The following SLC17A8 variants were observed in gnomAD, a reference collection of about 807,000 sequenced individuals.
The protein encoded by SLC17A8 is vesicular glutamate transporter 3.
In SLC17A8, 31 loss-of-function variants were observed where a neutral mutation model predicts 58.0. The observed-to-expected ratio is 0.53, with a 90% CI of 0.40 to 0.72. The LOEUF is 0.72. SLC17A8 is among the 30% of genes least tolerant of loss of function. SLC17A8 has a pLI of 0.00. For missense variants in SLC17A8, 655 were observed against 727.8 expected (o/e 0.90, Z 1.15); for synonymous variants, 228 against 249.0 (o/e 0.92, Z 0.79).
rs1952453053 is a variant in SLC17A8, at chr12:100,357,303, G to A, written c.-89G>A. 19 of 821,298 alleles carry A rather than the reference G, an allele frequency of 2.3e-5. No individual in the cohort carries two copies. The South Asian group carries it at 2.5e-4, about 11-fold the overall frequency. The allele number at this position is 821,298 out of a possible 1,614,324, so 50.9% of individuals were successfully genotyped here. On this transcript the variant is annotated 5_prime_UTR_variant, in exon 1 of 12. Transcript: ENST00000323346. ...ACTGACTTCCAGGTGTTCACCAAGG[G>A]AAACAAGGTGGTTCTCACACTGGAA...
Position 100,402,710 on chromosome 12 carries a change from T to C in SLC17A8, c.1018T>C (p.Tyr340His), listed in dbSNP as rs373039385. 1 of 1,614,004 alleles carries C rather than the reference T, an allele frequency of 6.2e-7. No individual in the cohort carries two copies. The highest frequency in any genetic ancestry group is 8.5e-7 in the Non-Finnish European group (1 of 1,180,024). Residue 340 changes from tyrosine (Y) to histidine (H), a missense_variant, in exon 8 of 12, where the codon TAT (tyrosine) becomes CAT (histidine). Tyr to His is a moderately conservative substitution (Grantham distance 83). Transcript: ENST00000323346. ...FYLLLISQPA[Y>H]FEEVFGFAIS... The stretch of plus-strand genomic sequence containing the variant: ...TTTGCTCCTCATAAGTCAGCCTGCT[T>C]ATTTTGAAGAGGTCTTTGGATTTGC...
At chr12:100,396,556 C>T (rs939694939) in intron 5 of SLC17A8, 139 bp downstream of exon 5, 7 of 690,888 alleles carry the variant, frequency 1.0e-5, no homozygotes, top group Admixed American at 6.4e-5. Flanking sequence ...CGAGATCAGC[C>T]TGGACAATAT....
chr12:100,404,587 G>C (rs537229554), intron 9 of SLC17A8, among the ~76,000 whole-genome samples: 17 of 151,450 alleles, frequency 1.1e-4, no homozygotes, highest in African/African-American at 3.9e-4. Context: ...ATTTTGTAAA[G>C]ACAAAGTGAA....
chr12:100,418,065 ATGCC>A lies in SLC17A8; in HGVS notation c.1335_1338del (p.Tyr445Ter). The stretch of plus-strand genomic sequence containing the variant: ...AACCACCTGGACATTGCCCCACGCT[ATGCC>A]AGCATTCTCATGGGGATCTCAAACG... On this transcript the variant is annotated frameshift_variant, in exon 11 of 12. Coordinates refer to ENST00000323346, the MANE Select transcript of SLC17A8 (RefSeq NM_139319.3). LOFTEE classifies it high-confidence loss of function. The A allele has an allele frequency of 6.2e-7, 1 of 1,614,214 alleles. No homozygotes were observed. The highest frequency in any genetic ancestry group is 2.2e-5 in the East Asian group (1 of 44,884).
chr12:100,415,313 A>G (rs1230034237), intron 10 of SLC17A8, among the ~76,000 whole-genome samples: 1 of 151,964 alleles, frequency 6.6e-6, no homozygotes, highest in East Asian at 1.9e-4. Context: ...TAAAAATACA[A>G]AAACTAGTTG....
At chr12:100,370,682 G>A (rs1237054961) in intron 1 of SLC17A8, among the ~76,000 whole-genome samples, 1 of 151,040 alleles carries the variant, frequency 6.6e-6, no homozygotes, top group East Asian at 1.9e-4. Flanking sequence ...ACATGGCTAT[G>A]GGCCACATAT....
In SLC17A8 at chr12:100,412,609, A is replaced by C. The variant is rs536044819; in HGVS notation, c.1187-161A>C. Among the ~76,000 whole-genome samples the C allele has an allele frequency of 3.3e-5, 5 of 151,764 alleles. No homozygotes were observed. The East Asian group carries it at 5.8e-4, about 18-fold the overall frequency. ...AGTAAAGTTAAAAAAAAAAAAAAAA[A>C]AACTTAAATTCCAGAACTTAAAGTA... On this transcript the variant is annotated intron_variant, in intron 9 of 11. Transcript: ENST00000323346.
At chr12:100,381,568 C>T (rs73147833) in intron 2 of SLC17A8, among the ~76,000 whole-genome samples, 1 of 148,916 alleles carries the variant, frequency 6.7e-6, no homozygotes, top group African/African-American at 2.5e-5. Context: ...AAGAAAGAGA[C>T]AGAGAGAGAG....
At chr12:100,375,897 T>C (rs1405335755) in intron 1 of SLC17A8, among the ~76,000 whole-genome samples, 1 of 152,214 alleles carries the variant, frequency 6.6e-6, no homozygotes, top group African/African-American at 2.4e-5. Context: ...TTCATATGGA[T>C]CTGCCCAAAT....
At chr12:100,407,965 A>T (rs1952838884) in intron 9 of SLC17A8, among the ~76,000 whole-genome samples, 1 of 152,202 alleles carries the variant, frequency 6.6e-6, no homozygotes, top group South Asian at 2.1e-4. Flanking sequence ...TAAAATTTTT[A>T]AAAAGACCAT....
In SLC17A8 at chr12:100,380,971, G is replaced by A. The variant is rs763232971; in HGVS notation, c.354+18G>A. ...AAATTCAGGTTGGTATCAGTCCATG[G>A]TGGAAGACTTTTCTTTTTGAGACAG... On this transcript the variant is annotated intron_variant, in intron 2 of 11. Coordinates refer to ENST00000323346, the MANE Select transcript of SLC17A8 (RefSeq NM_139319.3). 4 of 1,613,670 alleles carry A rather than the reference G, an allele frequency of 2.5e-6. No homozygotes were observed. Among genetic ancestry groups the A allele is most frequent in the Non-Finnish European group, 1.7e-6 (2 of 1,180,008 alleles).
At position 100,418,116 on chromosome 12, in the gene SLC17A8, T is replaced by C. The variant is rs1952920123; in HGVS notation, c.1385T>C (p.Met462Thr). 8 of 1,614,046 alleles carry C rather than the reference T, an allele frequency of 5.0e-6. No homozygotes were observed. The highest frequency in any genetic ancestry group is 5.9e-6 in the Non-Finnish European group (7 of 1,180,042). The change falls in exon 11 of 12, where the codon ATG (methionine) becomes ACG (threonine). Residue 462 changes from methionine (M) to threonine (T), a missense_variant. Coordinates refer to ENST00000323346, the MANE Select transcript of SLC17A8 (RefSeq NM_139319.3). ...AACGGAGTGGGAACCCTCTCTGGAA[T>C]GGTCTGTCCCCTCATTGTCGGTGCA... ...ISNGVGTLSG[M>T]VCPLIVGAMT...
chr12:100,361,761 A>T (rs1320471464), intron 1 of SLC17A8, among the ~76,000 whole-genome samples: 1 of 152,192 alleles, frequency 6.6e-6, no homozygotes, highest in African/African-American at 2.4e-5. Flanking sequence ...CAGGAGTTTG[A>T]GACCAGCCTG....
chr12:100,366,389 A>C (rs1230872133), intron 1 of SLC17A8, among the ~76,000 whole-genome samples: 3 of 152,274 alleles, frequency 2.0e-5, no homozygotes, highest in Non-Finnish European at 4.4e-5. Flanking sequence ...TGAACTCACT[A>C]TGAGACGATC....
intron 1 of SLC17A8, among the ~76,000 whole-genome samples, chr12:100,364,673 T>C (rs1952507642): frequency 6.6e-6 from 1 of 152,244 alleles, no homozygotes; most frequent in Non-Finnish European, 1.5e-5. Flanking sequence ...CACTCATAGA[T>C]TGATCCACAT....
chr12:100,387,483 G>A (rs895376878), intron 2 of SLC17A8, among the ~76,000 whole-genome samples: 1 of 152,336 alleles, frequency 6.6e-6, no homozygotes. Context: ...GTTCTCAGCA[G>A]CCTAGGGGCT....
rs759349166 is a variant in SLC17A8, at chr12:100,357,354, A to G, written c.-38A>G. The G allele has an allele frequency of 8.7e-7, 1 of 1,150,708 alleles. No individual in the cohort carries two copies. The highest frequency in any genetic ancestry group is 1.2e-5 in the South Asian group (1 of 81,696). 71.3% of individuals were successfully genotyped at this position (1,150,708 alleles called of 1,614,324 possible). On this transcript the variant is annotated 5_prime_UTR_variant, in exon 1 of 12. Coordinates refer to ENST00000323346, the MANE Select transcript of SLC17A8 (RefSeq NM_139319.3). ...ATGAGGAAGGATGACAGTTTTTGAG[A>G]CTGACTGTTAACGGCTCAGAGGTGC...
intron 4 of SLC17A8, among the ~76,000 whole-genome samples, chr12:100,395,013 C>T (rs1952743166): frequency 1.3e-5 from 2 of 151,766 alleles, no homozygotes; most frequent in South Asian, 4.2e-4. Flanking sequence ...GTGGAAAGAA[C>T]ACGATATTAG....
intron 1 of SLC17A8, among the ~76,000 whole-genome samples, chr12:100,361,260 A>C (rs1952482319): frequency 1.3e-5 from 2 of 152,302 alleles, no homozygotes; most frequent in African/African-American, 4.8e-5. Flanking sequence ...GTGATCTAGG[A>C]CTTTTGGAAG....
Sources: gnomAD v4.1 joint callset for allele counts (sites outside exome capture counted in the v4.1 genomes callset) on GRCh38, gnomAD v4.1.1 for gene constraint, MANE v1.5 for transcripts, NCBI Gene and HGNC (gene_info 2026-07-23, HGNC 2026-07-21) for gene names.